The following L3MBTL4 variants were observed in gnomAD, a reference collection of about 807,000 sequenced individuals.
The protein encoded by L3MBTL4 is lethal(3)malignant brain tumor-like protein 4.
L3MBTL4 carries 70 observed loss-of-function variants against 84.5 expected under a neutral mutation model. That is an observed-to-expected ratio of 0.83 (90% CI 0.68 to 1.01). The LOEUF is 1.01. Among genes scored for constraint, L3MBTL4 ranks in the 50% least tolerant of loss-of-function variants. L3MBTL4 has a pLI of 0.00. For missense variants in L3MBTL4, 715 were observed against 754.8 expected (o/e 0.95, Z 0.62); for synonymous variants, 274 against 259.8 (o/e 1.05, Z -0.52).
chr18:6,170,155 G>C (rs1251066776), intron 13 of L3MBTL4, among the ~76,000 whole-genome samples: 1 of 152,098 alleles, frequency 6.6e-6, no homozygotes, highest in African/African-American at 2.4e-5. Context: ...GCTTTAAACT[G>C]AGATTCAAAG....
chr18:6,104,646 C>T lies in L3MBTL4; in HGVS notation c.1200-11118G>A, dbSNP rs527479377. ...ACCCAGATGATTAAGTTCTAGAGAT[C>T]TGCTGTATAACATTGTGCCTATAGT... is the stretch of plus-strand genomic sequence containing the variant. On this transcript the variant is annotated intron_variant, in intron 14 of 18. Transcript: ENST00000317931. Among the ~76,000 whole-genome samples the T allele has an allele frequency of 2.1e-3, 319 of 152,248 alleles. 8 individuals are homozygous for T. The highest frequency in any genetic ancestry group is 8.4e-4 in the Non-Finnish European group (57 of 68,020).
At chr18:6,038,251 C>CTTTTTTTTTTTT (rs34580980) in intron 16 of L3MBTL4, among the ~76,000 whole-genome samples, 7 of 97,862 alleles carry the variant, frequency 7.2e-5, no homozygotes, top group African/African-American at 7.4e-5. Flanking sequence ...ATTTCTGGAT[C>CTTTTTTTTTTTT]TTTTTTTTTT....
intron 4 of L3MBTL4, among the ~76,000 whole-genome samples, chr18:6,268,822 G>A (rs1391918734): frequency 1.3e-5 from 2 of 152,148 alleles, no homozygotes; most frequent in South Asian, 4.1e-4. Flanking sequence ...ATATGTGTAT[G>A]TGTATACGTG....
At chr18:6,074,522 T>C (rs961559763) in intron 16 of L3MBTL4, among the ~76,000 whole-genome samples, 1 of 152,216 alleles carries the variant, frequency 6.6e-6, no homozygotes, top group Non-Finnish European at 1.5e-5. Flanking sequence ...TGGTCACTGA[T>C]GATGATGAGA....
intron 16 of L3MBTL4, among the ~76,000 whole-genome samples, chr18:5,993,205 A>G (rs1199652863): frequency 6.6e-6 from 1 of 152,196 alleles, no homozygotes; most frequent in Non-Finnish European, 1.5e-5. Context: ...CTCTGTTTCT[A>G]CACAGCAACA....
At chr18:6,165,588 T>C (rs947702532) in intron 13 of L3MBTL4, among the ~76,000 whole-genome samples, 1 of 152,124 alleles carries the variant, frequency 6.6e-6, no homozygotes, top group African/African-American at 2.4e-5. Flanking sequence ...CTAAGCTTCA[T>C]AACTGAAGGA....
At chr18:6,331,688 A>G (rs775822168) in intron 1 of L3MBTL4, among the ~76,000 whole-genome samples, 9 of 152,158 alleles carry the variant, frequency 5.9e-5, no homozygotes, top group Non-Finnish European at 1.5e-5. Flanking sequence ...GATACGAACA[A>G]TTTTTTGGTT....
At chr18:6,391,483 A>T (rs915247485) in intron 1 of L3MBTL4, among the ~76,000 whole-genome samples, 1 of 152,130 alleles carries the variant, frequency 6.6e-6, no homozygotes, top group African/African-American at 2.4e-5. Context: ...CACTAGTCAT[A>T]GCAATCAGAC....
At chr18:6,298,440 C>A (rs997615507) in intron 4 of L3MBTL4, among the ~76,000 whole-genome samples, 2 of 151,980 alleles carry the variant, frequency 1.3e-5, no homozygotes, top group Admixed American at 6.6e-5. Flanking sequence ...GCTATAGTTG[C>A]GGATAATCTT....
chr18:6,405,898 C>T (rs1194602890), intron 1 of L3MBTL4, among the ~76,000 whole-genome samples: 2 of 152,234 alleles, frequency 1.3e-5, no homozygotes, highest in African/African-American at 4.8e-5. Flanking sequence ...CAGGTCCAGT[C>T]TGGGTGTCTG....
intron 16 of L3MBTL4, among the ~76,000 whole-genome samples, chr18:5,979,108 C>A (rs112268967): frequency 0.037 from 5,620 of 152,210 alleles, 235 homozygotes; most frequent in South Asian, 0.19. Flanking sequence ...AAGAGTGGAT[C>A]CTTCTTGGAT....
chr18:6,312,482 G>T (rs1177719772), intron 1 of L3MBTL4, among the ~76,000 whole-genome samples: 1 of 151,906 alleles, frequency 6.6e-6, no homozygotes, highest in Admixed American at 6.6e-5. Context: ...CTGATAACTG[G>T]CCACCCATTT....
chr18:6,213,642 C>T (rs1387911800), intron 11 of L3MBTL4, among the ~76,000 whole-genome samples: 2 of 152,168 alleles, frequency 1.3e-5, no homozygotes, highest in Non-Finnish European at 2.9e-5. Context: ...GAACCCTTGA[C>T]CTCAGGTGAT....
chr18:6,118,399 T>A (rs1309623599), intron 14 of L3MBTL4, among the ~76,000 whole-genome samples: 2 of 152,204 alleles, frequency 1.3e-5, no homozygotes, highest in Admixed American at 6.5e-5. Flanking sequence ...GGACCACCTA[T>A]GGCACTCAAA....
intron 13 of L3MBTL4, among the ~76,000 whole-genome samples, chr18:6,149,017 AT>A (rs1253643070): frequency 6.6e-6 from 1 of 152,138 alleles, no homozygotes; most frequent in Admixed American, 6.5e-5. Flanking sequence ...TCTCAAAGAA[AT>A]TATAAAGAAA....
At position 6,305,497 on chromosome 18, in the gene L3MBTL4, G is replaced by A. The variant is rs541591226; in HGVS notation, c.73-3540C>T. On this transcript the variant is annotated intron_variant, in intron 3 of 18. Transcript: ENST00000317931. The stretch of plus-strand genomic sequence containing the variant: ...TTAAAAAACAAAAGAAAAAATTAGC[G>A]CTTTATCTTATCCTTGCAGACAGAC... 3.3e-5 allele frequency among the ~76,000 whole-genome samples: 5 copies of A among 152,238 alleles called. No individual in the cohort carries two copies. The East Asian group carries it at 5.8e-4, about 18-fold the overall frequency.
Position 6,139,842 on chromosome 18 carries a change from C to A in L3MBTL4, c.1097-1546G>T, listed in dbSNP as rs78658499. On this transcript the variant is annotated intron_variant, in intron 13 of 18. Coordinates refer to ENST00000317931, the MANE Select transcript of L3MBTL4 (RefSeq NM_001330559.2). ...CCTCAGGGCCACACCTCTGAGGCTC[C>A]TCTTCTGAGTCTGATGCCTTGGGCT... Among the ~76,000 whole-genome samples the A allele has an allele frequency of 4.2e-3, 632 of 152,282 alleles. 3 individuals are homozygous for A. The highest frequency in any genetic ancestry group is 0.014 in the African/African-American group (577 of 41,556).
intron 16 of L3MBTL4, among the ~76,000 whole-genome samples, chr18:5,999,622 G>C (rs764780536): frequency 6.6e-6 from 1 of 152,100 alleles, no homozygotes; most frequent in Non-Finnish European, 1.5e-5. Context: ...AAACAACGAA[G>C]AAAATAAAGG....
At chr18:6,005,203 G>A (rs989466366) in intron 16 of L3MBTL4, among the ~76,000 whole-genome samples, 8 of 151,358 alleles carry the variant, frequency 5.3e-5, no homozygotes, top group African/African-American at 1.9e-4. Context: ...AATTAGCCAG[G>A]TATTGTGGCT....
Sources: allele counts gnomAD v4.1 joint callset (sites outside exome capture counted in the v4.1 genomes callset), GRCh38; gene constraint gnomAD v4.1.1; transcripts MANE v1.5; gene names NCBI Gene and HGNC (gene_info 2026-07-23, HGNC 2026-07-21).